Variants in SPON1 observed in about 807,000 individuals in gnomAD.
The protein encoded by SPON1 is spondin-1.
Under a neutral mutation model 111.7 loss-of-function variants are expected in SPON1, and 52 were observed. The observed-to-expected ratio is 0.47, with a 90% CI of 0.37 to 0.59. The LOEUF (loss-of-function observed/expected upper bound fraction) is 0.59, where lower values mean the gene tolerates loss of function less well. Ranked by LOEUF, SPON1 falls within the 20% of genes least tolerant of loss-of-function variation. The pLI, the probability that SPON1 is intolerant of heterozygous loss-of-function variation, is 0.00. For synonymous variants in SPON1, 410 were observed against 395.8 expected (o/e 1.04, Z -0.43); for missense variants, 957 against 1,068.5 (o/e 0.90, Z 1.46).
At chr11:14,046,704 T>C (rs4756773) in intron 3 of SPON1, among the ~76,000 whole-genome samples, 52,610 of 152,086 alleles carry the variant, frequency 0.35, 10,557 homozygotes, top group East Asian at 0.67. Context: ...TTCAAGCAGA[T>C]TTCTAATTCC....
chr11:14,020,205 A>G (rs1428176531), intron 2 of SPON1, among the ~76,000 whole-genome samples: 1 of 152,198 alleles, frequency 6.6e-6, no homozygotes, highest in South Asian at 2.1e-4. Flanking sequence ...CATGACATTC[A>G]TAGGTCTTAT....
intron 2 of SPON1, among the ~76,000 whole-genome samples, chr11:14,002,735 A>G (rs1174555674): frequency 6.6e-6 from 1 of 152,172 alleles, no homozygotes; most frequent in Non-Finnish European, 1.5e-5. Context: ...GGAAAACCCC[A>G]AACACAGTAG....
At chr11:14,204,460 T>A (rs1554935970) in intron 6 of SPON1, among the ~76,000 whole-genome samples, 1 of 151,912 alleles carries the variant, frequency 6.6e-6, no homozygotes, top group Non-Finnish European at 1.5e-5. Context: ...TTTTATTTTT[T>A]AATTTTTTGT....
rs947017331 is a variant in SPON1 at position 14,133,354 on chromosome 11, G to A, written c.677-2066G>A. On this transcript the variant is annotated intron_variant, in intron 5 of 15. Transcript: ENST00000576479. ...GTCAGGCTCCCTCAAGAAACGTTCA[G>A]CCTAGTGAGATAACAGACTGTAAGA... is the stretch of plus-strand genomic sequence containing the variant. Among the ~76,000 whole-genome samples, 3 of 152,330 alleles carry A rather than the reference G, an allele frequency of 2.0e-5. No individual in the cohort carries two copies. The East Asian group carries it at 5.8e-4, about 29-fold the overall frequency.
chr11:14,219,594 G>A (rs1202213145), intron 6 of SPON1, among the ~76,000 whole-genome samples: 1 of 152,174 alleles, frequency 6.6e-6, no homozygotes, highest in African/African-American at 2.4e-5. Flanking sequence ...ACCTATTTGG[G>A]TCATATTGTA....
chr11:14,162,907 A>T (rs1277521840), intron 6 of SPON1, among the ~76,000 whole-genome samples: 3 of 152,230 alleles, frequency 2.0e-5, no homozygotes, highest in African/African-American at 7.2e-5. Flanking sequence ...AATGGCAAGC[A>T]TCGGCTGGTC....
chr11:14,183,569 T>G (rs1848257420), intron 6 of SPON1, among the ~76,000 whole-genome samples: 1 of 152,126 alleles, frequency 6.6e-6, no homozygotes, highest in Non-Finnish European at 1.5e-5. Flanking sequence ...CATGTTAGAG[T>G]TGGAAGAGAG....
intron 5 of SPON1, among the ~76,000 whole-genome samples, chr11:14,085,031 A>G (rs1166613304): frequency 4.7e-5 from 1 of 21,126 alleles, no homozygotes; most frequent in Non-Finnish European, 2.6e-4. Context: ...GTTCTTTGTA[A>G]TTCTGGAAAT....
intron 6 of SPON1, among the ~76,000 whole-genome samples, chr11:14,230,322 G>T (rs78716202): frequency 6.6e-6 from 1 of 152,142 alleles, no homozygotes; most frequent in Admixed American, 6.5e-5. Context: ...GAAGTGAAAT[G>T]TTATTACATT....
At chr11:14,005,979 G>A (rs1244334428) in intron 2 of SPON1, among the ~76,000 whole-genome samples, 5 of 152,074 alleles carry the variant, frequency 3.3e-5, no homozygotes, top group Non-Finnish European at 7.4e-5. Flanking sequence ...GATCATCCTA[G>A]GAAAATCAAT....
At chr11:14,171,120 G>A (rs1848093981) in intron 6 of SPON1, among the ~76,000 whole-genome samples, 1 of 152,210 alleles carries the variant, frequency 6.6e-6, no homozygotes, top group African/African-American at 2.4e-5. Context: ...AATCTATCTG[G>A]TCCTGGACTT....
intron 14 of SPON1, 160 bp from the exon 15 acceptor site, chr11:14,262,552 C>A: frequency 2.1e-6 from 2 of 942,004 alleles, no homozygotes; most frequent in Non-Finnish European, 3.1e-6. Flanking sequence ...GGGCTGAAGT[C>A]AGCCTGCCTC....
intron 5 of SPON1, among the ~76,000 whole-genome samples, chr11:14,084,666 T>C (rs111543470): frequency 0.16 from 23,847 of 152,254 alleles, 1,991 homozygotes; most frequent in Middle Eastern, 0.21. Flanking sequence ...ATATACCCAG[T>C]AATAGGATCA....
chr11:14,074,127 G>A (rs782521744), intron 3 of SPON1, among the ~76,000 whole-genome samples: 2 of 152,192 alleles, frequency 1.3e-5, no homozygotes, highest in Non-Finnish European at 2.9e-5. Flanking sequence ...ACTTTCTTTT[G>A]CTTCATAGTC....
intron 2 of SPON1, among the ~76,000 whole-genome samples, chr11:14,001,117 C>A (rs917147847): frequency 1.3e-5 from 2 of 152,246 alleles, no homozygotes; most frequent in Middle Eastern, 3.4e-3. Flanking sequence ...TCCTCCTCCA[C>A]CCCCCAAGAA....
At chr11:14,224,716 C>G (rs1049098633) in intron 6 of SPON1, 2 of 492,080 alleles carry the variant, frequency 4.1e-6, no homozygotes, top group African/African-American at 2.0e-5. Context: ...ATGGTGGTGG[C>G]TGGCATAAAG....
chr11:13,973,273 C>T (rs1848077267), intron 1 of SPON1, among the ~76,000 whole-genome samples: 1 of 152,204 alleles, frequency 6.6e-6, no homozygotes, highest in Non-Finnish European at 1.5e-5. Context: ...GGATCACAGT[C>T]ACTTTTGTGA....
intron 6 of SPON1, among the ~76,000 whole-genome samples, chr11:14,161,031 A>T (rs1366394023): frequency 5.2e-5 from 3 of 57,308 alleles, no homozygotes; most frequent in South Asian, 6.1e-4. Flanking sequence ...ATATATATTT[A>T]TATATATCTA....
At chr11:13,968,216 T>C (rs1394012822) in intron 1 of SPON1, among the ~76,000 whole-genome samples, 1 of 152,212 alleles carries the variant, frequency 6.6e-6, no homozygotes, top group Non-Finnish European at 1.5e-5. Flanking sequence ...TAGTACAGGC[T>C]AAGCTCATGT....
Sources: gnomAD v4.1 joint callset for allele counts (sites outside exome capture counted in the v4.1 genomes callset) on GRCh38, gnomAD v4.1.1 for gene constraint, MANE v1.5 for transcripts, NCBI Gene and HGNC (gene_info 2026-07-23, HGNC 2026-07-21) for gene names.